Variants in ZNF469 observed in about 807,000 individuals in gnomAD.
The protein encoded by ZNF469 is zinc finger protein 469.
ZNF469 carries 1 observed loss-of-function variant against 1.0 expected under a neutral mutation model. The observed-to-expected ratio is 1.00, with a 90% CI of 0.35 to 4.73. The LOEUF (loss-of-function observed/expected upper bound fraction) is 4.73, where lower values mean the gene tolerates loss of function less well. Among genes scored for constraint, ZNF469 ranks in the 30% most tolerant of loss-of-function variants. ZNF469 has a pLI of 0.16. For synonymous variants in ZNF469, 2,703 were observed against 2,363.4 expected (o/e 1.14, Z -4.17); for missense variants, 6,100 against 5,356.3 (o/e 1.14, Z -4.33).
At chr16:88,368,617 G>A in the ZNF469 span, among the ~76,000 whole-genome samples, 2 of 151,950 alleles carry the variant, frequency 1.3e-5, no homozygotes, top group African/African-American at 2.4e-5. Context: ...GGGAGAATGT[G>A]GCCTGAGAGG....
upstream of ZNF469, among the ~76,000 whole-genome samples, chr16:88,378,016 A>G (rs540801333): frequency 6.6e-6 from 1 of 152,230 alleles, no homozygotes; most frequent in East Asian, 1.9e-4. Context: ...CCCAAGTCCA[A>G]AGAGCCACCC....
upstream of ZNF469, among the ~76,000 whole-genome samples, chr16:88,380,397 C>CCA (rs1280373543): frequency 8.1e-5 from 6 of 73,730 alleles, no homozygotes; most frequent in Admixed American, 2.6e-4. Context: ...ACAGACACGC[C>CCA]CTCACACAGA....
At chr16:88,172,226 C>G in the ZNF469 span, among the ~76,000 whole-genome samples, 1 of 152,176 alleles carries the variant, frequency 6.6e-6, no homozygotes, top group East Asian at 1.9e-4. Context: ...TTTGGCTAAG[C>G]GTTGATCTGT....
At position 88,432,353 on chromosome 16, in the gene ZNF469, C is replaced by T. The variant is rs750838324; in HGVS notation, c.4883C>T (p.Thr1628Met). The T allele has an allele frequency of 9.0e-6, 14 of 1,548,502 alleles. No homozygotes were observed. Among genetic ancestry groups the T allele is most frequent in the East Asian group, 4.9e-5 (2 of 40,926 alleles). The change falls in exon 3 of 3, where the codon ACG (threonine) becomes ATG (methionine). Residue 1628 changes from threonine to methionine, a missense_variant. Transcript: ENST00000565624. ...GACACGTTCTCGGCAGCTGACCTCA[C>T]GCGCGTTGGAGAATCCACTGCACAT... Reference protein sequence around the residue: ...HEDTFSAADLTRVGESTAHRE... With the variant: ...HEDTFSAADLMRVGESTAHRE...
At chr16:88,219,925 C>G in the ZNF469 span, among the ~76,000 whole-genome samples, 958 of 152,268 alleles carry the variant, frequency 6.3e-3, 13 homozygotes, top group African/African-American at 0.022. Context: ...GCAGATGCCC[C>G]TAGAGAGAAG....
intron 1 of ZNF469, among the ~76,000 whole-genome samples, chr16:88,409,428 G>C (rs1321796498): frequency 6.6e-6 from 1 of 152,132 alleles, no homozygotes; most frequent in South Asian, 2.1e-4. Flanking sequence ...GAGTCCTCAG[G>C]GCAGCAGCCA....
the ZNF469 span, among the ~76,000 whole-genome samples, chr16:88,182,702 G>A: frequency 6.8e-6 from 1 of 146,942 alleles, no homozygotes; most frequent in Non-Finnish European, 1.5e-5. Context: ...AAAACAGAGA[G>A]AAATGAATCT....
At chr16:88,117,689 G>T in the ZNF469 span, among the ~76,000 whole-genome samples, 3 of 152,188 alleles carry the variant, frequency 2.0e-5, no homozygotes, top group Non-Finnish European at 4.4e-5. Flanking sequence ...TGTCTTCGGG[G>T]ACCGTGGAAG....
At chr16:88,164,921 G>C in the ZNF469 span, among the ~76,000 whole-genome samples, 3 of 152,226 alleles carry the variant, frequency 2.0e-5, no homozygotes, top group East Asian at 3.8e-4. Context: ...TTCCAAATTG[G>C]CTCAGGGCCA....
At chr16:88,102,438 G>T in the ZNF469 span, among the ~76,000 whole-genome samples, 3 of 152,240 alleles carry the variant, frequency 2.0e-5, no homozygotes, top group African/African-American at 7.2e-5. Context: ...GGAGGTGGAG[G>T]TTGCAGTGAG....
Position 88,438,840 on chromosome 16 carries a change from C to G in ZNF469, c.11370C>G (p.Thr3790=), listed in dbSNP as rs1182477704. 1 of 1,550,266 alleles carries G rather than the reference C, an allele frequency of 6.5e-7. No homozygotes were observed. Among genetic ancestry groups the G allele is most frequent in the Non-Finnish European group, 8.7e-7 (1 of 1,146,982 alleles). ...CTCGAGCCCAAGCCAAGAGCTGCAC[C>G]AAGGGGCCAAGGGAAGCTGGTGAGC... ...LPARAQAKSC[T]KGPREAGEQG... The change falls in exon 3 of 3, where the codon ACC becomes ACG. Residue 3790 remains threonine (T), a synonymous_variant. Coordinates refer to ENST00000565624, the MANE Select transcript of ZNF469 (RefSeq NM_001367624.2).
intron 1 of ZNF469, among the ~76,000 whole-genome samples, chr16:88,394,069 TGCCTGAGAGGAGCAGGGTTTG>T (rs1453060513): frequency 6.6e-6 from 1 of 152,108 alleles, no homozygotes; most frequent in African/African-American, 2.4e-5. Flanking sequence ...ACACCTGCGC[TGCCTGAGAGGAGCAGGGTTTG>T]ACACGACTAC....
the ZNF469 span, among the ~76,000 whole-genome samples, chr16:88,182,843 C>T: frequency 2.6e-5 from 4 of 151,808 alleles, no homozygotes; most frequent in Admixed American, 1.3e-4. Flanking sequence ...GTCAAAGATT[C>T]TTAGATAGGA....
chr16:88,255,336 T>C, the ZNF469 span, among the ~76,000 whole-genome samples: 5 of 152,252 alleles, frequency 3.3e-5, no homozygotes, highest in African/African-American at 1.2e-4. Context: ...ATAGTAATGA[T>C]AATTATGTGC....
the ZNF469 span, among the ~76,000 whole-genome samples, chr16:88,153,110 G>A: frequency 1.3e-5 from 2 of 152,206 alleles, no homozygotes; most frequent in African/African-American, 2.4e-5. Flanking sequence ...GCAGGTTGGC[G>A]GGGCCGGGGG....
At chr16:88,385,796 C>A (rs926254707) in intron 1 of ZNF469, among the ~76,000 whole-genome samples, 4 of 152,174 alleles carry the variant, frequency 2.6e-5, no homozygotes, top group African/African-American at 9.7e-5. Context: ...CCAAACCCCT[C>A]TGGGACTTTA....
chr16:88,153,021 C>A, the ZNF469 span, among the ~76,000 whole-genome samples: 4 of 152,284 alleles, frequency 2.6e-5, no homozygotes, highest in South Asian at 8.3e-4. Context: ...GCTGTGGTGA[C>A]GTTCTGCACT....
chr16:88,220,557 G>C, the ZNF469 span, among the ~76,000 whole-genome samples: 1 of 148,876 alleles, frequency 6.7e-6, no homozygotes, highest in Non-Finnish European at 1.5e-5. Context: ...CACTTACTGA[G>C]CCCCTGGAGC....
At chr16:88,158,902 C>A in the ZNF469 span, among the ~76,000 whole-genome samples, 2 of 152,066 alleles carry the variant, frequency 1.3e-5, no homozygotes. Context: ...CCTACTGGGG[C>A]CTTCCGACAT....
Sources: allele counts gnomAD v4.1 joint callset (sites outside exome capture counted in the v4.1 genomes callset), GRCh38; gene constraint gnomAD v4.1.1; transcripts MANE v1.5; gene names NCBI Gene and HGNC (gene_info 2026-07-23, HGNC 2026-07-21).